Variants in FARS2 observed in about 807,000 individuals in gnomAD.
FARS2 encodes phenylalanine--tRNA ligase, mitochondrial.
In FARS2, 40 loss-of-function variants were observed where a neutral mutation model predicts 46.4. The ratio of observed to expected loss-of-function variants is 0.86; its 90% CI spans 0.67 to 1.12. The LOEUF (loss-of-function observed/expected upper bound fraction) is 1.12. FARS2 is among the 50% of genes most tolerant of loss of function. FARS2 has a pLI of 0.00. For synonymous variants in FARS2, 234 were observed against 214.9 expected (o/e 1.09, Z -0.78); for missense variants, 513 against 567.9 (o/e 0.90, Z 0.98).
chr6:5,395,975 T>A (rs939208619), intron 2 of FARS2, among the ~76,000 whole-genome samples: 2 of 152,228 alleles, frequency 1.3e-5, no homozygotes, highest in Admixed American at 1.3e-4. Flanking sequence ...AATTTTAATG[T>A]TAATGTCATA....
In FARS2 at chr6:5,542,038, C is replaced by G. The variant is rs113651119; in HGVS notation, c.905-3142C>G. 1.5e-3 allele frequency among the ~76,000 whole-genome samples: 235 copies of G among 152,254 alleles called. 1 individual carries two copies. Among genetic ancestry groups the G allele is most frequent in the African/African-American group, 5.5e-3 (228 of 41,532 alleles). On this transcript the variant is annotated intron_variant, in intron 4 of 6. Coordinates refer to ENST00000274680, the MANE Select transcript of FARS2 (RefSeq NM_006567.5). ...TGCATTAAAATTAGCATATAACCAG[C>G]AATGAGGAGGACCACAGGCCACTTT... is the stretch of plus-strand genomic sequence containing the variant.
At chr6:5,590,759 A>G (rs1161357292) in intron 5 of FARS2, among the ~76,000 whole-genome samples, 5 of 152,160 alleles carry the variant, frequency 3.3e-5, no homozygotes, top group Non-Finnish European at 1.5e-5. Flanking sequence ...ATTTTGCTCC[A>G]TTTTTGCATT....
At chr6:5,623,719 AT>A (rs200020443) in intron 6 of FARS2, among the ~76,000 whole-genome samples, 14,624 of 98,674 alleles carry the variant, frequency 0.15, 2,344 homozygotes, top group African/African-American at 0.36. Flanking sequence ...CTCAAAAAAA[AT>A]AAATAAATAA....
chr6:5,510,978 C>T (rs1186518973), intron 4 of FARS2, among the ~76,000 whole-genome samples: 1 of 152,180 alleles, frequency 6.6e-6, no homozygotes, highest in Non-Finnish European at 1.5e-5. Flanking sequence ...GCAGGGCTTG[C>T]GGGGATCCTG....
At chr6:5,490,810 C>T (rs2150360342) in intron 4 of FARS2, among the ~76,000 whole-genome samples, 1 of 152,336 alleles carries the variant, frequency 6.6e-6, no homozygotes, top group East Asian at 1.9e-4. Context: ...CAGTGAGAAA[C>T]TGGTACTGCC....
At chr6:5,673,673 G>A (rs1160567890) in intron 6 of FARS2, among the ~76,000 whole-genome samples, 7 of 152,116 alleles carry the variant, frequency 4.6e-5, no homozygotes, top group East Asian at 3.9e-4. Context: ...CTGCCATGTC[G>A]ATGATGCTTG....
At chr6:5,524,193 G>A (rs1285437120) in intron 4 of FARS2, among the ~76,000 whole-genome samples, 1 of 152,202 alleles carries the variant, frequency 6.6e-6, no homozygotes, top group Non-Finnish European at 1.5e-5. Flanking sequence ...ATATTAAGGC[G>A]AGCAATCCAT....
chr6:5,759,589 T>C (rs975284770), intron 6 of FARS2, among the ~76,000 whole-genome samples: 1 of 152,204 alleles, frequency 6.6e-6, no homozygotes, highest in South Asian at 2.1e-4. Flanking sequence ...TCATATGTGC[T>C]GCTTCCAGGG....
chr6:5,568,450 C>T (rs1005913297), intron 5 of FARS2, among the ~76,000 whole-genome samples: 1 of 152,164 alleles, frequency 6.6e-6, no homozygotes, highest in Non-Finnish European at 1.5e-5. Context: ...GTATAGTTTC[C>T]TGCCTTCAGA....
chr6:5,638,726 G>A (rs926500674), intron 6 of FARS2, among the ~76,000 whole-genome samples: 1 of 152,166 alleles, frequency 6.6e-6, no homozygotes, highest in African/African-American at 2.4e-5. Flanking sequence ...GGCACTTGAC[G>A]GGGCCTCCCT....
chr6:5,477,284 A>T (rs1171408948), intron 4 of FARS2, among the ~76,000 whole-genome samples: 1 of 152,230 alleles, frequency 6.6e-6, no homozygotes, highest in Non-Finnish European at 1.5e-5. Flanking sequence ...TTAGCCAGGA[A>T]CTAGTTTCTG....
chr6:5,661,933 T>TGTTA (rs1777869754), intron 6 of FARS2, among the ~76,000 whole-genome samples: 1 of 151,822 alleles, frequency 6.6e-6, no homozygotes, highest in South Asian at 2.1e-4. Flanking sequence ...AGAGGAGAGA[T>TGTTA]GTTACAGTGT....
chr6:5,260,611 G>GCCCCCCCC, upstream of FARS2: 12 of 1,377,682 alleles, frequency 8.7e-6, no homozygotes, highest in African/African-American at 1.5e-5. Context: ...CCGGCCCCTG[G>GCCCCCCCC]CCCCCCGCCC....
chr6:5,598,590 G>A (rs1582544573), intron 5 of FARS2, among the ~76,000 whole-genome samples: 1 of 152,092 alleles, frequency 6.6e-6, no homozygotes, highest in Non-Finnish European at 1.5e-5. Context: ...CACCAAAAGG[G>A]GTACAAAACA....
Position 5,410,208 on chromosome 6 carries a change from C to T in FARS2, c.772+5507C>T, listed in dbSNP as rs753062228. Reference sequence around the variant, plus strand: ...TCACTCTGTCATCCAAGCTAAAGTGCAGTGGTGTGATCTCAGTTCACTGCA... The same window carrying T: ...TCACTCTGTCATCCAAGCTAAAGTGTAGTGGTGTGATCTCAGTTCACTGCA... On this transcript the variant is annotated intron_variant, in intron 3 of 6. Coordinates refer to ENST00000274680, the MANE Select transcript of FARS2 (RefSeq NM_006567.5). Among the ~76,000 whole-genome samples, 81 of 146,840 alleles carry T rather than the reference C, an allele frequency of 5.5e-4. 1 individual carries two copies. Among genetic ancestry groups the T allele is most frequent in the Non-Finnish European group, 1.5e-4 (10 of 67,336 alleles).
chr6:5,544,489 G>C (rs1350456343), intron 4 of FARS2, among the ~76,000 whole-genome samples: 3 of 152,126 alleles, frequency 2.0e-5, no homozygotes, highest in Non-Finnish European at 2.9e-5. Flanking sequence ...CCTTCATTCT[G>C]CAGTTTCTAT....
At chr6:5,468,419 G>A (rs1456737742) in intron 4 of FARS2, among the ~76,000 whole-genome samples, 2 of 151,578 alleles carry the variant, frequency 1.3e-5, no homozygotes, top group Admixed American at 1.3e-4. Flanking sequence ...TTTGTGTGAC[G>A]GTGATGTTGT....
intron 6 of FARS2, among the ~76,000 whole-genome samples, chr6:5,755,237 A>G (rs560776318): frequency 3.1e-4 from 47 of 152,290 alleles, no homozygotes; most frequent in Admixed American, 2.4e-3. Context: ...TCTGGGGTAC[A>G]TGTGCAGAAC....
chr6:5,612,053 A>G (rs2150670754), intron 5 of FARS2, among the ~76,000 whole-genome samples: 1 of 152,340 alleles, frequency 6.6e-6, no homozygotes, highest in South Asian at 2.1e-4. Flanking sequence ...AGGAGAGAAA[A>G]CAAAACGCTT....
Sources: gnomAD v4.1 joint callset for allele counts (sites outside exome capture counted in the v4.1 genomes callset) on GRCh38, gnomAD v4.1.1 for gene constraint, MANE v1.5 for transcripts, NCBI Gene and HGNC (gene_info 2026-07-23, HGNC 2026-07-21) for gene names.